CCDC85A: variants seen among roughly 807,000 people sequenced by gnomAD.
CCDC85A encodes coiled-coil domain-containing protein 85A.
CCDC85A carries 38 observed loss-of-function variants against 50.2 expected under a neutral mutation model. The ratio of observed to expected loss-of-function variants is 0.76; its 90% CI spans 0.58 to 0.99. CCDC85A has a LOEUF of 0.99. CCDC85A is among the 50% of genes least tolerant of loss of function. The pLI, the probability that CCDC85A is intolerant of heterozygous loss-of-function variation, is 0.00. For synonymous variants in CCDC85A, 366 were observed against 301.4 expected, an observed-to-expected ratio of 1.21 and a Z score of -2.22; for missense variants, 820 against 742.0, an observed-to-expected ratio of 1.11 and a Z score of -1.22.
chr2:56,204,710 C>T (rs1399882017), intron 2 of CCDC85A, among the ~76,000 whole-genome samples: 2 of 152,166 alleles, frequency 1.3e-5, no homozygotes, highest in South Asian at 2.1e-4. Flanking sequence ...TATGTTTGTT[C>T]GGACAGGAAT....
Position 56,192,366 on chromosome 2 carries a change from C to A in CCDC85A, c.277-111C>A. On this transcript the variant is annotated intron_variant, in intron 1 of 5. Transcript: ENST00000407595. The surrounding 1 kb of genome is among the most constrained non-coding windows in gnomAD (Gnocchi z 4.7). ...TTCCTCCTACTCCCTCACCTCCTCC[C>A]CTAACCTCACAGGTAATTCACCAGT... The A allele has an allele frequency of 6.8e-7, 1 of 1,476,552 alleles. No homozygotes were observed. Among genetic ancestry groups the A allele is most frequent in the Non-Finnish European group, 9.1e-7 (1 of 1,103,444 alleles). The allele number at this position is 1,476,552 out of a possible 1,614,324, so 91.5% of individuals were successfully genotyped here.
intron 2 of CCDC85A, among the ~76,000 whole-genome samples, chr2:56,199,949 A>G (rs886429851): frequency 1.3e-5 from 2 of 152,188 alleles, no homozygotes; most frequent in African/African-American, 4.8e-5. Context: ...GCTCACTGCA[A>G]CCTCCGACTC....
chr2:56,345,233 G>T (rs1674577849), intron 3 of CCDC85A, among the ~76,000 whole-genome samples: 1 of 152,086 alleles, frequency 6.6e-6, no homozygotes, highest in Non-Finnish European at 1.5e-5. Context: ...GGCTAGGAAA[G>T]ATCATGTTTT....
At chr2:56,315,095 AG>A (rs953353386) in intron 2 of CCDC85A, among the ~76,000 whole-genome samples, 2 of 152,168 alleles carry the variant, frequency 1.3e-5, no homozygotes, top group Admixed American at 6.6e-5. Flanking sequence ...ACCTCCACAC[AG>A]AGCATTATTT....
chr2:56,248,171 T>C (rs934055696), intron 2 of CCDC85A, among the ~76,000 whole-genome samples: 3 of 152,256 alleles, frequency 2.0e-5, no homozygotes, highest in Admixed American at 1.3e-4. Context: ...TTCTGCTCTC[T>C]GAATATTCCA....
At chr2:56,381,240 C>G (rs1222684786) in intron 5 of CCDC85A, among the ~76,000 whole-genome samples, 1 of 152,080 alleles carries the variant, frequency 6.6e-6, no homozygotes, top group Non-Finnish European at 1.5e-5. Context: ...CATTCACTTT[C>G]TGTAGCTTTT....
chr2:56,306,538 G>A (rs1672455201), intron 2 of CCDC85A, among the ~76,000 whole-genome samples: 1 of 152,020 alleles, frequency 6.6e-6, no homozygotes, highest in African/African-American at 2.4e-5. Flanking sequence ...ACATCCAAAT[G>A]TCAGAAAAAA....
At chr2:56,320,216 G>T (rs369610060) in intron 2 of CCDC85A, among the ~76,000 whole-genome samples, 1 of 151,392 alleles carries the variant, frequency 6.6e-6, no homozygotes, top group Non-Finnish European at 1.5e-5. Context: ...CCCTAACATC[G>T]CAATTAAAAG....
At chr2:56,339,576 G>C (rs1674254252) in intron 2 of CCDC85A, among the ~76,000 whole-genome samples, 1 of 152,206 alleles carries the variant, frequency 6.6e-6, no homozygotes, top group African/African-American at 2.4e-5. Flanking sequence ...GACTCAATCT[G>C]TGTAGTCTTT....
rs1250687638 is a variant in CCDC85A at position 56,184,299 on chromosome 2, C to A, written c.-326C>A. 1 of 641,072 alleles carries A rather than the reference C, an allele frequency of 1.6e-6. No homozygotes were observed. The highest frequency in any genetic ancestry group is 7.3e-5 in the South Asian group (1 of 13,626). The allele number at this position is 641,072 out of a possible 1,614,324, so 39.7% of individuals were successfully genotyped here. A position where few individuals can be genotyped will look rare whatever the true frequency, so the allele number is the denominator to read the frequency against. ...AGGGCAGGGGAACGGCGGTGCAGCTCCCCCGCTGTCCCCGAGGATTTCCCG... is the reference window on the plus strand; with the variant it reads ...AGGGCAGGGGAACGGCGGTGCAGCTACCCCGCTGTCCCCGAGGATTTCCCG... On this transcript the variant is annotated 5_prime_UTR_variant, in exon 1 of 6. Transcript: ENST00000407595.
chr2:56,237,060 G>A (rs781760572), intron 2 of CCDC85A, among the ~76,000 whole-genome samples: 2 of 152,060 alleles, frequency 1.3e-5, no homozygotes, highest in Non-Finnish European at 2.9e-5. Flanking sequence ...GATTTGATGC[G>A]AAAGGGCATT....
intron 5 of CCDC85A, among the ~76,000 whole-genome samples, chr2:56,378,603 G>A (rs534772345): frequency 6.6e-6 from 1 of 152,312 alleles, no homozygotes; most frequent in African/African-American, 2.4e-5. Context: ...TCAGGGCTCA[G>A]AAGTGGCATT....
rs1341082521 is a variant in CCDC85A at position 56,248,606 on chromosome 2, G to C, written c.1240+55166G>C. Among the ~76,000 whole-genome samples, 5 of 152,206 alleles carry C rather than the reference G, an allele frequency of 3.3e-5. No homozygotes were observed. In the East Asian group the frequency reaches 9.6e-4, roughly 29 times the overall value. Reference sequence around the variant, plus strand: ...AACAAGTGGCTTCCGACAAGGCAGAGGCTCAACACAAACGTAGCAATTTCA... The same window carrying C: ...AACAAGTGGCTTCCGACAAGGCAGACGCTCAACACAAACGTAGCAATTTCA... On this transcript the variant is annotated intron_variant, in intron 2 of 5. Coordinates refer to ENST00000407595, the MANE Select transcript of CCDC85A (RefSeq NM_001080433.2).
Position 56,274,994 on chromosome 2 carries a change from A to C in CCDC85A, c.1241-67885A>C, listed in dbSNP as rs1473478880. Among the ~76,000 whole-genome samples, 4 of 152,168 alleles carry C rather than the reference A, an allele frequency of 2.6e-5. No individual in the cohort carries two copies. In the South Asian group the frequency reaches 8.3e-4, roughly 32 times the overall value. On this transcript the variant is annotated intron_variant, in intron 2 of 5. Transcript: ENST00000407595. ...CTCTGGTGTCTGTTCTTATAAGGACACTAATTTCATCATGAGGGCATCATC... is the reference window on the plus strand; with the variant it reads ...CTCTGGTGTCTGTTCTTATAAGGACCCTAATTTCATCATGAGGGCATCATC...
chr2:56,365,765 G>C lies in CCDC85A; in HGVS notation c.1318-6579G>C, dbSNP rs989927649. Among the ~76,000 whole-genome samples, 8 of 152,154 alleles carry C rather than the reference G, an allele frequency of 5.3e-5. 1 individual carries two copies. The highest frequency in any genetic ancestry group is 8.8e-5 in the Non-Finnish European group (6 of 68,024). On this transcript the variant is annotated intron_variant, in intron 3 of 5. Transcript: ENST00000407595. The stretch of plus-strand genomic sequence containing the variant: ...GTTCGCATAGTTATCATTTTTGGGT[G>C]AGAACACTTTACATCCACTTTCTTA...
Position 56,246,708 on chromosome 2 carries a change from T to C in CCDC85A, c.1240+53268T>C, listed in dbSNP as rs150428669. 1.9e-3 allele frequency among the ~76,000 whole-genome samples: 289 copies of C among 152,312 alleles called. 1 individual carries two copies. The highest frequency in any genetic ancestry group is 5.2e-3 in the African/African-American group (216 of 41,562). On this transcript the variant is annotated intron_variant, in intron 2 of 5. Coordinates refer to ENST00000407595, the MANE Select transcript of CCDC85A (RefSeq NM_001080433.2). The stretch of plus-strand genomic sequence containing the variant: ...AGAGGTTTTATTTCTGACTCAATTA[T>C]ATTTAGTTGACCTGTATGTTTATAA...
intron 3 of CCDC85A, among the ~76,000 whole-genome samples, chr2:56,361,259 GA>G (rs5831407): frequency 1.4e-5 from 2 of 147,220 alleles, no homozygotes; most frequent in East Asian, 2.0e-4. Context: ...GTCTCAAAAA[GA>G]AAAAAAAAAA....
chr2:56,236,892 A>G (rs1402670810), intron 2 of CCDC85A, among the ~76,000 whole-genome samples: 1 of 152,146 alleles, frequency 6.6e-6, no homozygotes, highest in Non-Finnish European at 1.5e-5. Flanking sequence ...AAGGTATTAG[A>G]TTGTCTTTCA....
intron 2 of CCDC85A, among the ~76,000 whole-genome samples, chr2:56,286,562 CT>C (rs1671453502): frequency 6.6e-6 from 1 of 152,076 alleles, no homozygotes; most frequent in African/African-American, 2.4e-5. Context: ...AATTGGCTTT[CT>C]TTTATATATT....
Sources: gnomAD v4.1 joint callset for allele counts (sites outside exome capture counted in the v4.1 genomes callset) on GRCh38, gnomAD v4.1.1 for gene constraint, Gnocchi (gnomAD v3.1) non-coding constraint, MANE v1.5 for transcripts, NCBI Gene and HGNC (gene_info 2026-07-23, HGNC 2026-07-21) for gene names.